GRM5: variants seen among roughly 807,000 people sequenced by gnomAD.
GRM5 encodes the protein metabotropic glutamate receptor 5.
In GRM5, 19 loss-of-function variants were observed where a neutral mutation model predicts 83.1. The ratio of observed to expected loss-of-function variants is 0.23; its 90% CI spans 0.16 to 0.34. The LOEUF (loss-of-function observed/expected upper bound fraction) is 0.34, where lower values mean the gene tolerates loss of function less well. Ranked by LOEUF, GRM5 falls within the 10% of genes least tolerant of loss-of-function variation. The pLI is 1.00. For missense variants in GRM5, 1,160 were observed against 1,588.3 expected (o/e 0.73, Z 4.58); for synonymous variants, 675 against 633.6 (o/e 1.07, Z -0.98).
chr11:88,766,611 A>G (rs1462931521), intron 3 of GRM5, among the ~76,000 whole-genome samples: 2 of 152,086 alleles, frequency 1.3e-5, no homozygotes, highest in Non-Finnish European at 2.9e-5. Context: ...CCTGGAAGAT[A>G]ACCTAGGCAA....
chr11:88,729,172 C>CA (rs1488737868), intron 3 of GRM5, among the ~76,000 whole-genome samples: 2 of 152,134 alleles, frequency 1.3e-5, no homozygotes, highest in African/African-American at 4.8e-5. Flanking sequence ...GCAACTTCAG[C>CA]AAAATCTCAG....
chr11:88,798,548 A>T (rs1049191797), intron 3 of GRM5, among the ~76,000 whole-genome samples: 2 of 152,172 alleles, frequency 1.3e-5, no homozygotes, highest in African/African-American at 4.8e-5. Flanking sequence ...CAGGACAAAG[A>T]GCAACCATCT....
At chr11:88,857,339 TAAA>T (rs1198675573) in intron 2 of GRM5, among the ~76,000 whole-genome samples, 3 of 152,038 alleles carry the variant, frequency 2.0e-5, no homozygotes, top group African/African-American at 7.2e-5. Flanking sequence ...AAATAAAAAA[TAAA>T]ACTCAGTCAT....
At chr11:88,664,608 G>A (rs1427155107) in intron 3 of GRM5, among the ~76,000 whole-genome samples, 6 of 151,792 alleles carry the variant, frequency 4.0e-5, no homozygotes, top group South Asian at 2.1e-4. Context: ...CACCATGCCC[G>A]GCTAATTTTT....
At chr11:88,832,888 A>G (rs1345648058) in intron 3 of GRM5, among the ~76,000 whole-genome samples, 2 of 144,738 alleles carry the variant, frequency 1.4e-5, no homozygotes, top group African/African-American at 5.8e-5. Context: ...TTCAATAAAT[A>G]GTGCTGGGAG....
chr11:88,960,227 T>G (rs1938741617), intron 2 of GRM5, among the ~76,000 whole-genome samples: 2 of 152,094 alleles, frequency 1.3e-5, no homozygotes, highest in South Asian at 4.1e-4. Context: ...CTATTTATAT[T>G]TAGAATGAAT....
chr11:89,044,662 G>C lies in GRM5; in HGVS notation c.661+2550C>G, dbSNP rs140955338. ...GGAAATTTCCATACTCTTCAAGAAAGAGAATATTGATGGAACAAAGGAGAA... is the reference window on the plus strand; with the variant it reads ...GGAAATTTCCATACTCTTCAAGAAACAGAATATTGATGGAACAAAGGAGAA... On this transcript the variant is annotated intron_variant, in intron 2 of 9. Coordinates refer to ENST00000305447, the MANE Select transcript of GRM5 (RefSeq NM_001143831.3). Among the ~76,000 whole-genome samples the C allele has an allele frequency of 5.4e-3, 827 of 152,198 alleles. 14 individuals are homozygous for C. Among genetic ancestry groups the C allele is most frequent in the East Asian group, 0.034 (175 of 5,178 alleles).
chr11:88,609,895 G>A (rs1028995019), intron 4 of GRM5, among the ~76,000 whole-genome samples: 13 of 152,076 alleles, frequency 8.5e-5, no homozygotes, highest in African/African-American at 2.9e-4. Flanking sequence ...AATCCATTTT[G>A]AGTTAATTTT....
At chr11:88,775,272 G>A (rs1942823004) in intron 3 of GRM5, among the ~76,000 whole-genome samples, 1 of 141,616 alleles carries the variant, frequency 7.1e-6, no homozygotes, top group Admixed American at 7.2e-5. Context: ...TATTTCTGTG[G>A]GATCAGTGGT....
chr11:88,811,306 G>A (rs989943588), intron 3 of GRM5, among the ~76,000 whole-genome samples: 2 of 152,054 alleles, frequency 1.3e-5, no homozygotes, highest in African/African-American at 2.4e-5. Context: ...GGAGAAAAAA[G>A]ATACAGAGCA....
intron 2 of GRM5, among the ~76,000 whole-genome samples, chr11:88,956,503 T>C (rs921429475): frequency 2.6e-5 from 4 of 152,144 alleles, no homozygotes; most frequent in African/African-American, 9.7e-5. Flanking sequence ...GCACAGTATG[T>C]AGTATATTAA....
chr11:88,622,037 TG>T (rs1392601339), intron 4 of GRM5, among the ~76,000 whole-genome samples: 2 of 152,244 alleles, frequency 1.3e-5, no homozygotes, highest in Non-Finnish European at 2.9e-5. Flanking sequence ...TAGTGGCTAT[TG>T]TACCAATGGT....
At chr11:88,687,344 G>A (rs957691350) in intron 3 of GRM5, among the ~76,000 whole-genome samples, 1 of 148,378 alleles carries the variant, frequency 6.7e-6, no homozygotes, top group African/African-American at 2.5e-5. Context: ...GGGCATGGTG[G>A]CTGGTGCCTG....
At chr11:88,574,985 C>CTTTTCT (rs1943077066) in intron 7 of GRM5, among the ~76,000 whole-genome samples, 1 of 116,180 alleles carries the variant, frequency 8.6e-6, no homozygotes, top group African/African-American at 3.2e-5. Context: ...CTTTTCTTTT[C>CTTTTCT]TTTTTTTTTT....
intron 2 of GRM5, among the ~76,000 whole-genome samples, chr11:88,905,380 G>C (rs1945385465): frequency 6.6e-6 from 1 of 152,116 alleles, no homozygotes. Flanking sequence ...GTCTTGCTCT[G>C]TCACCCAGAC....
At chr11:88,738,685 C>G (rs1301956156) in intron 3 of GRM5, among the ~76,000 whole-genome samples, 1 of 152,074 alleles carries the variant, frequency 6.6e-6, no homozygotes, top group Non-Finnish European at 1.5e-5. Flanking sequence ...CACAGTCACT[C>G]TTATACATCT....
At chr11:88,736,731 T>G (rs545553078) in intron 3 of GRM5, among the ~76,000 whole-genome samples, 1 of 152,052 alleles carries the variant, frequency 6.6e-6, no homozygotes, top group African/African-American at 2.4e-5. Flanking sequence ...TTCTCTGCCA[T>G]GTAATCCCTT....
intron 3 of GRM5, among the ~76,000 whole-genome samples, chr11:88,799,396 T>C (rs1943345989): frequency 6.9e-6 from 1 of 144,444 alleles, no homozygotes; most frequent in Admixed American, 6.7e-5. Flanking sequence ...TTTTTGTAAC[T>C]ATCTATATAT....
intron 2 of GRM5, among the ~76,000 whole-genome samples, chr11:88,990,140 G>A (rs1260686745): frequency 1.4e-5 from 2 of 144,786 alleles, no homozygotes; most frequent in African/African-American, 5.3e-5. Context: ...AAAAAAGAGA[G>A]AAGAATCAAA....
Sources: allele counts gnomAD v4.1 joint callset (sites outside exome capture counted in the v4.1 genomes callset), GRCh38; gene constraint gnomAD v4.1.1; transcripts MANE v1.5; gene names NCBI Gene and HGNC (gene_info 2026-07-23, HGNC 2026-07-21).